Variants in PCDHA5 observed in about 807,000 individuals in gnomAD.
The protein encoded by PCDHA5 is protocadherin alpha-5.
Under a neutral mutation model 61.6 loss-of-function variants are expected in PCDHA5, and 43 were observed. That is an observed-to-expected ratio of 0.70 (90% CI 0.55 to 0.90). PCDHA5 has a LOEUF of 0.90. Among genes scored for constraint, PCDHA5 ranks in the 40% least tolerant of loss-of-function variants. The pLI is 0.00. For synonymous variants in PCDHA5, 627 were observed against 543.9 expected, an observed-to-expected ratio of 1.15 and a Z score of -2.13; for missense variants, 1,298 against 1,222.7, an observed-to-expected ratio of 1.06 and a Z score of -0.92.
At chr5:140,849,541 A>C in intron 1 of PCDHA5, 1 of 1,598,262 alleles carries the variant, frequency 6.3e-7, no homozygotes, top group Non-Finnish European at 8.6e-7. Flanking sequence ...AATGCTCCAC[A>C]GTTGACTATC....
At chr5:140,957,398 TTTA>T (rs2095356378) in intron 1 of PCDHA5, among the ~76,000 whole-genome samples, 1 of 152,304 alleles carries the variant, frequency 6.6e-6, no homozygotes, top group South Asian at 2.1e-4. Context: ...ATTGTCCTAA[TTTA>T]TTATTATTGT....
At chr5:140,856,701 AAC>A (rs2150363820) in intron 1 of PCDHA5, 1 of 1,597,018 alleles carries the variant, frequency 6.3e-7, no homozygotes, top group East Asian at 2.2e-5. Context: ...GATGGAGGCA[AAC>A]CTGAATTTAC....
At chr5:140,886,560 G>A (rs1230327560) in intron 1 of PCDHA5, among the ~76,000 whole-genome samples, 3 of 151,904 alleles carry the variant, frequency 2.0e-5, no homozygotes, top group Non-Finnish European at 4.4e-5. Flanking sequence ...GGGCACGGTG[G>A]CTCACGCCTG....
Position 140,850,860 on chromosome 5 carries a change from C to A in PCDHA5, c.2352+26733C>A, listed in dbSNP as rs2150500728. ...TGGATCTACAGAGCGAACGGGAGAACCCTCTGCTTCCTCAGATTCAACTGG... is the reference window on the plus strand; with the variant it reads ...TGGATCTACAGAGCGAACGGGAGAAACCTCTGCTTCCTCAGATTCAACTGG... On this transcript the variant is annotated intron_variant, in intron 1 of 3. Coordinates refer to ENST00000529859, the MANE Select transcript of PCDHA5 (RefSeq NM_018908.3). The A allele has an allele frequency of 3.1e-6, 5 of 1,593,234 alleles. 1 individual carries two copies. Among genetic ancestry groups the A allele is most frequent in the Non-Finnish European group, 4.3e-6 (5 of 1,164,206 alleles).
intron 1 of PCDHA5, chr5:140,862,793 A>G: frequency 1.7e-6 from 1 of 576,706 alleles, no homozygotes; most frequent in Non-Finnish European, 3.3e-6. Flanking sequence ...GACTACGAGG[A>G]GCTGGAGCTG....
At chr5:140,862,360 G>A (rs920511235) in intron 1 of PCDHA5, 3 of 334,748 alleles carry the variant, frequency 9.0e-6, no homozygotes, top group Non-Finnish European at 1.8e-5. Context: ...AGGGACAGAC[G>A]ACCCGCACCC....
intron 1 of PCDHA5, chr5:140,843,145 GT>G: frequency 6.3e-7 from 1 of 1,596,072 alleles, no homozygotes; most frequent in Non-Finnish European, 8.6e-7. Context: ...CGTGGCTTTC[GT>G]ATGAGCTGCA....
In PCDHA5 at chr5:140,823,600, G is replaced by A; in HGVS notation, c.1825G>A (p.Glu609Lys). ...DSGYNAWLSY[E>K]LQPAPGSARI... Reference sequence around the variant, plus strand: ...GGGCTACAACGCTTGGCTTTCGTATGAGCTGCAGCCAGCGCCTGGCAGTGC... The same window carrying A: ...GGGCTACAACGCTTGGCTTTCGTATAAGCTGCAGCCAGCGCCTGGCAGTGC... The change falls in exon 1 of 4, where the codon GAG (glutamate) becomes AAG (lysine). Residue 609 changes from glutamate (E) to lysine (K), a missense_variant. Transcript: ENST00000529859. 10 of 1,614,032 alleles carry A rather than the reference G, an allele frequency of 6.2e-6. No individual in the cohort carries two copies. Among genetic ancestry groups the A allele is most frequent in the Non-Finnish European group, 8.5e-6 (10 of 1,179,936 alleles).
chr5:140,900,187 T>C (rs529700623), intron 1 of PCDHA5, among the ~76,000 whole-genome samples: 1 of 152,346 alleles, frequency 6.6e-6, no homozygotes, highest in Non-Finnish European at 1.5e-5. Context: ...ATGTCACTTA[T>C]AATGACATCC....
rs200196783 is a variant in PCDHA5 at position 140,849,807 on chromosome 5, A to C, written c.2352+25680A>C. On this transcript the variant is annotated intron_variant, in intron 1 of 3. Transcript: ENST00000529859. The stretch of plus-strand genomic sequence containing the variant: ...CGGGGGCTCGCCTTCACTGTGGGCC[A>C]CGGCCAGGGTGTCTGTGGAGGTGGC... 5.4e-5 allele frequency: 86 copies of C among 1,598,400 alleles called. 9 individuals are homozygous for C. The highest frequency in any genetic ancestry group is 6.8e-5 in the Non-Finnish European group (80 of 1,167,954).
At position 140,876,752 on chromosome 5, in the gene PCDHA5, C is replaced by G. The variant is rs374137138; in HGVS notation, c.2352+52625C>G. On this transcript the variant is annotated intron_variant, in intron 1 of 3. Coordinates refer to ENST00000529859, the MANE Select transcript of PCDHA5 (RefSeq NM_018908.3). ...TCGGCCTATGAGCTGGTGGTGACTGCGCGGGATGGGGGCTCGCCTTCGCTG... is the reference window on the plus strand; with the variant it reads ...TCGGCCTATGAGCTGGTGGTGACTGGGCGGGATGGGGGCTCGCCTTCGCTG... 1.4e-5 allele frequency: 23 copies of G among 1,614,194 alleles called. No homozygotes were observed. The African/African-American group carries it at 2.8e-4, about 20-fold the overall frequency.
At chr5:140,833,751 AAC>A (rs2150210782) in intron 1 of PCDHA5, among the ~76,000 whole-genome samples, 1,564 of 151,344 alleles carry the variant, frequency 0.01, 31 homozygotes, top group African/African-American at 0.036. Context: ...CTAAAAAGAA[AAC>A]ACACACACAC....
chr5:140,826,326 G>A (rs1364617796), intron 1 of PCDHA5, among the ~76,000 whole-genome samples: 1 of 151,980 alleles, frequency 6.6e-6, no homozygotes. Context: ...ATTGTTTTTG[G>A]TTAAGAAATT....
intron 3 of PCDHA5, among the ~76,000 whole-genome samples, chr5:141,005,485 T>C (rs57509018): frequency 5.3e-5 from 8 of 151,370 alleles, no homozygotes; most frequent in Non-Finnish European, 1.0e-4. Context: ...GGGCGGATCA[T>C]GAGGTCAGGA....
chr5:140,830,104 G>A (rs2150181173), intron 1 of PCDHA5: 1 of 1,613,630 alleles, frequency 6.2e-7, no homozygotes, highest in Admixed American at 1.7e-5. Flanking sequence ...CGCTGGTGGA[G>A]AGTGGCCAGG....
At chr5:140,928,277 C>A (rs2085098556) in intron 1 of PCDHA5, 2 of 1,614,156 alleles carry the variant, frequency 1.2e-6, no homozygotes, top group South Asian at 2.2e-5. Context: ...GGCCCTGGGG[C>A]CTCTCTAGGC....
At chr5:140,862,775 A>C (rs1480702653) in intron 1 of PCDHA5, 4 of 576,960 alleles carry the variant, frequency 6.9e-6, no homozygotes, top group Non-Finnish European at 1.3e-5. Flanking sequence ...TACGCGTTGC[A>C]GCCACTGGAC....
In PCDHA5 at chr5:140,828,269, G is replaced by A. The variant is rs201116419; in HGVS notation, c.2352+4142G>A. The A allele has an allele frequency of 1.1e-4, 175 of 1,613,940 alleles. No individual in the cohort carries two copies. The highest frequency in any genetic ancestry group is 8.3e-5 in the Admixed American group (5 of 60,012). On this transcript the variant is annotated intron_variant, in intron 1 of 3. Transcript: ENST00000529859. ...CCTGGGGCTGGAGCTGGCGGAGCTG[G>A]TGCCGCGCCTGTTCAGGATGGCCTC...
chr5:140,870,704 T>A, intron 1 of PCDHA5: 1 of 1,612,984 alleles, frequency 6.2e-7, no homozygotes, highest in East Asian at 2.2e-5. Flanking sequence ...CAGTTCCAGG[T>A]GAGCGCGCGC....
Sources: gnomAD v4.1 joint callset for allele counts (sites outside exome capture counted in the v4.1 genomes callset) on GRCh38, gnomAD v4.1.1 for gene constraint, MANE v1.5 for transcripts, NCBI Gene and HGNC (gene_info 2026-07-23, HGNC 2026-07-21) for gene names.